The following UPF1 variants were observed in gnomAD, a reference collection of about 807,000 sequenced individuals.
UPF1 encodes the protein regulator of nonsense transcripts 1.
A neutral mutation model predicts 129.2 loss-of-function variants in UPF1; 9 were observed. That is an observed-to-expected ratio of 0.07 (90% CI 0.04 to 0.12). UPF1 has a LOEUF of 0.12. Ranked by LOEUF, UPF1 falls within the 10% of genes least tolerant of loss-of-function variation. The pLI, the probability that UPF1 is intolerant of heterozygous loss-of-function variation, is 1.00. For missense variants in UPF1, 788 were observed against 1,525.3 expected, an observed-to-expected ratio of 0.52 and a Z score of 8.05; for synonymous variants, 649 against 644.9, an observed-to-expected ratio of 1.01 and a Z score of -0.10.
Position 18,857,157 on chromosome 19 carries a change from G to A in UPF1, c.1968+137G>A. The stretch of plus-strand genomic sequence containing the variant: ...CTGGGGGCTCCCTGAGGGGTTTATA[G>A]AGGGTGGGTTCTGCCAGCTGCACGT... On this transcript the variant is annotated intron_variant, in intron 14 of 23. Transcript: ENST00000262803. 5 of 1,499,220 alleles carry A rather than the reference G, an allele frequency of 3.3e-6. No individual in the cohort carries two copies. In the South Asian group the frequency reaches 6.6e-5, roughly 20 times the overall value. The allele number at this position is 1,499,220 out of a possible 1,614,324, so 92.9% of individuals were successfully genotyped here.
rs1244498824 is a variant in UPF1 at position 18,853,610 on chromosome 19, T to G, written c.1156+260T>G. On this transcript the variant is annotated intron_variant, in intron 8 of 23. Transcript: ENST00000262803. The surrounding 1 kb of genome is among the most constrained non-coding windows in gnomAD (Gnocchi z 4.4). ...CCACTTGTGTGGCGCGTCCCTGGGC[T>G]GACTCTGGAAGTTAATGTATGCCGC... Among the ~76,000 whole-genome samples the G allele has an allele frequency of 6.6e-6, 1 of 152,208 alleles. No individual in the cohort carries two copies. Among genetic ancestry groups the G allele is most frequent in the Non-Finnish European group, 1.5e-5 (1 of 68,034 alleles).
Position 18,854,716 on chromosome 19 carries a change from C to T in UPF1, c.1265+7C>T. 9 of 1,612,884 alleles carry T rather than the reference C, an allele frequency of 5.6e-6. No individual in the cohort carries two copies. Among genetic ancestry groups the T allele is most frequent in the Non-Finnish European group, 7.6e-6 (9 of 1,179,554 alleles). On this transcript the variant is annotated splice_region_variant and intron_variant, in intron 9 of 23. Transcript: ENST00000262803. ...AGTCGACCTCCTTTGACAGGTACGT[C>T]TTCTCCCATCACTGCCCCCTGTTCC...
chr19:18,848,781 A>T (rs1031538304), intron 3 of UPF1, among the ~76,000 whole-genome samples: 1 of 152,228 alleles, frequency 6.6e-6, no homozygotes, highest in Non-Finnish European at 1.5e-5. Flanking sequence ...GATTTTAAAG[A>T]AGGGTATCTT....
At chr19:18,859,053 G>A (rs538414701) in intron 15 of UPF1, among the ~76,000 whole-genome samples, 3 of 152,286 alleles carry the variant, frequency 2.0e-5, no homozygotes, top group South Asian at 2.1e-4. Flanking sequence ...TTTGCCTAGC[G>A]GTAGGTCTTG....
chr19:18,866,278 T>G, intron 23 of UPF1, 112 bp downstream of exon 23: 1 of 1,413,860 alleles, frequency 7.1e-7, no homozygotes, highest in Non-Finnish European at 9.2e-7. Flanking sequence ...ATGTGTGCTG[T>G]GCCTGGTGGG....
chr19:18,834,430 T>C (rs897790372), intron 1 of UPF1, among the ~76,000 whole-genome samples: 1 of 152,250 alleles, frequency 6.6e-6, no homozygotes, highest in African/African-American at 2.4e-5. Context: ...GGGCATGTCC[T>C]TCTCTTTCAG....
Position 18,854,996 on chromosome 19 carries a change from G to A in UPF1, c.1383G>A (p.Lys461=), listed in dbSNP as rs2055700492. The change falls in exon 10 of 24, where the codon AAG becomes AAA. Residue 461 remains lysine (K), a synonymous_variant. Transcript: ENST00000262803. ...EDVIIKCQLP[K]RFTAQGLPDL... ...TAATCATCAAGTGCCAGCTGCCCAA[G>A]CGCTTCACGGCGCAGGGCCTCCCCG... 1.2e-6 allele frequency: 2 copies of A among 1,614,108 alleles called. No individual in the cohort carries two copies. The highest frequency in any genetic ancestry group is 1.7e-6 in the Non-Finnish European group (2 of 1,180,036).
chr19:18,853,233 C>G lies in UPF1; in HGVS notation c.1058-19C>G. 1 of 1,605,710 alleles carries G rather than the reference C, an allele frequency of 6.2e-7. No homozygotes were observed. Among genetic ancestry groups the G allele is most frequent in the Non-Finnish European group, 8.5e-7 (1 of 1,174,848 alleles). The stretch of plus-strand genomic sequence containing the variant: ...GGCGTGGGTTAAAATGGCCACCTCT[C>G]TCACTTTTTTACCTCAAGACATGCG... On this transcript the variant is annotated intron_variant, in intron 7 of 23. Coordinates refer to ENST00000262803, the MANE Select transcript of UPF1 (RefSeq NM_002911.4). This position sits in a 1 kb window ranked among gnomAD's most constrained non-coding sequence, Gnocchi z 4.4.
In UPF1 at chr19:18,866,082, C is replaced by T. The variant is rs772972480; in HGVS notation, c.3276C>T (p.Asp1092=). 10 of 1,613,180 alleles carry T rather than the reference C, an allele frequency of 6.2e-6. No individual in the cohort carries two copies. The highest frequency in any genetic ancestry group is 1.6e-4 in the Middle Eastern group (1 of 6,076). ...YLGDEFKSQI[D]VALSQDSTYQ... ...GTGACGAGTTTAAATCACAAATCGA[C>T]GTGGCGCTCTCACAGGACTCCACGT... The change falls in exon 23 of 24, where the codon GAC becomes GAT. Residue 1092 remains aspartate (D), a synonymous_variant. Coordinates refer to ENST00000262803, the MANE Select transcript of UPF1 (RefSeq NM_002911.4).
chr19:18,860,278 G>T lies in UPF1; in HGVS notation c.2183-43G>T, dbSNP rs189416645. 4.4e-6 allele frequency: 7 copies of T among 1,600,422 alleles called. No homozygotes were observed. In the African/African-American group the frequency reaches 5.3e-5, roughly 12 times the overall value. ...CCTGTGTCTGAACTCATTTGAGGCG[G>T]GCTAGGGCTTTTGAAGTGTTACTTC... On this transcript the variant is annotated intron_variant, in intron 15 of 23. Transcript: ENST00000262803.
At chr19:18,861,032 T>C (rs1380575635) in intron 17 of UPF1, 50 bp downstream of exon 17, 23 of 1,512,468 alleles carry the variant, frequency 1.5e-5, no homozygotes, top group Admixed American at 2.0e-5. Context: ...TGCAAGGGTA[T>C]TGACCCTTGA....
intron 1 of UPF1, chr19:18,833,249 ATAT>A (rs1477415362): frequency 1.3e-5 from 2 of 152,136 alleles, no homozygotes; most frequent in Non-Finnish European, 2.9e-5. Flanking sequence ...GGAGGAGCAC[ATAT>A]TGGCTGGCTA....
chr19:18,865,437 C>G lies in UPF1; in HGVS notation c.3006C>G (p.Asn1002Lys). ...MPPPGYFGQA[N>K]GPAAGRGTPK... ...CGCCTGGCTATTTTGGACAAGCCAA[C>G]GGGCCTGCTGCAGGTGAGCATCTGT... The change falls in exon 21 of 24, where the codon AAC becomes AAG. Residue 1002 changes from asparagine (N) to lysine (K), a missense_variant. By Grantham distance (94) the Asn-to-Lys change is moderately conservative. Transcript: ENST00000262803. This position sits in a 1 kb window ranked among gnomAD's most constrained non-coding sequence, Gnocchi z 6.1. 1 of 1,613,480 alleles carries G rather than the reference C, an allele frequency of 6.2e-7. No homozygotes were observed. The highest frequency in any genetic ancestry group is 8.5e-7 in the Non-Finnish European group (1 of 1,179,528).
chr19:18,857,705 G>A (rs1200531813), intron 15 of UPF1, among the ~76,000 whole-genome samples, 172 bp downstream of exon 15: 1 of 152,236 alleles, frequency 6.6e-6, no homozygotes, highest in African/African-American at 2.4e-5. Context: ...CTTGGATCAA[G>A]TGGTGTCTCT....
chr19:18,845,987 C>A lies in UPF1; in HGVS notation c.239C>A (p.Pro80His), dbSNP rs765757070. ...AAGQLDAQVG[P>H]EGILQNGAVD... ...CACTGCGTTCTGCTGCAGGTTGGGC[C>A]CGAAGGCATCCTGCAGAACGGGGCT... Residue 80 changes from proline (P) to histidine (H), a missense_variant, in exon 2 of 24, where the codon CCC becomes CAC. Pro to His is a moderately conservative substitution (Grantham distance 77). This residue lies in a region of UPF1 where 112 missense variants were observed against 128.2 expected (regional missense o/e 0.87). Coordinates refer to ENST00000262803, the MANE Select transcript of UPF1 (RefSeq NM_002911.4). 1 of 1,613,950 alleles carries A rather than the reference C, an allele frequency of 6.2e-7. No individual in the cohort carries two copies. Among genetic ancestry groups the A allele is most frequent in the South Asian group, 1.1e-5 (1 of 91,078 alleles).
chr19:18,843,514 C>CTT (rs1221141422), intron 1 of UPF1, among the ~76,000 whole-genome samples: 6 of 92,046 alleles, frequency 6.5e-5, no homozygotes, highest in East Asian at 3.5e-4. Context: ...AAGTGACTTT[C>CTT]TTTGTTTTTT....
rs2055700623 is a variant in UPF1 at position 18,855,004 on chromosome 19, C to T, written c.1391C>T (p.Thr464Met). The change falls in exon 10 of 24, where the codon ACG becomes ATG. Residue 464 changes from threonine to methionine, a missense_variant. By Grantham distance (81) the Thr-to-Met change is moderately conservative (BLOSUM62 -1). Transcript: ENST00000262803. ...IIKCQLPKRF[T>M]AQGLPDLNHS... ...AAGTGCCAGCTGCCCAAGCGCTTCA[C>T]GGCGCAGGGCCTCCCCGACCTCAAC... 2.5e-6 allele frequency: 4 copies of T among 1,614,088 alleles called. No homozygotes were observed. Among genetic ancestry groups the T allele is most frequent in the Non-Finnish European group, 2.5e-6 (3 of 1,180,042 alleles).
rs764558591 is a variant in UPF1, at chr19:18,856,133, G to T, written c.1709+44G>T. 5 of 1,607,944 alleles carry T rather than the reference G, an allele frequency of 3.1e-6. No individual in the cohort carries two copies. In the South Asian group the frequency reaches 5.5e-5, roughly 18 times the overall value. ...CCTCCCAGTTGGTCCCTGAGCTTCT[G>T]CGGGTGACATGTACAGAACTCAGGC... On this transcript the variant is annotated intron_variant, in intron 12 of 23. Coordinates refer to ENST00000262803, the MANE Select transcript of UPF1 (RefSeq NM_002911.4).
chr19:18,863,579 C>T lies in UPF1; in HGVS notation c.2742C>T (p.Ser914=), dbSNP rs751864442. ...TGCGTGAGAGCCTCATGCAGTTCAGCAAGCCACGGAAGCTGGTCAACACTA... is the reference window on the plus strand; with the variant it reads ...TGCGTGAGAGCCTCATGCAGTTCAGTAAGCCACGGAAGCTGGTCAACACTA... ...NNLRESLMQF[S]KPRKLVNTIN... is the part of the protein sequence containing the mutation. The change falls in exon 19 of 24, where the codon AGC becomes AGT. Residue 914 remains serine, a synonymous_variant. Transcript: ENST00000262803. The T allele has an allele frequency of 9.3e-6, 15 of 1,613,532 alleles. No individual in the cohort carries two copies. The African/African-American group carries it at 1.6e-4, about 17-fold the overall frequency.
Sources: gnomAD v4.1 joint callset for allele counts (sites outside exome capture counted in the v4.1 genomes callset) on GRCh38, gnomAD v4.1.1 for gene constraint, gnomAD v4.1.1 regional missense constraint, Gnocchi (gnomAD v3.1) non-coding constraint, MANE v1.5 for transcripts, NCBI Gene and HGNC (gene_info 2026-07-23, HGNC 2026-07-21) for gene names.